Variants in CORIN observed in about 807,000 individuals in gnomAD.
The protein encoded by CORIN is corin, serine peptidase, also known as atrial natriuretic peptide-converting enzyme.
CORIN carries 117 observed loss-of-function variants against 125.3 expected under a neutral mutation model. The ratio of observed to expected loss-of-function variants is 0.93; its 90% CI spans 0.80 to 1.09. The LOEUF is 1.09. Ranked by LOEUF, CORIN falls within the 50% of genes least tolerant of loss-of-function variation. The pLI, the probability that CORIN is intolerant of heterozygous loss-of-function variation, is 0.00. For synonymous variants in CORIN, 450 were observed against 466.4 expected (o/e 0.96, Z 0.45); for missense variants, 1,253 against 1,306.7 (o/e 0.96, Z 0.63).
intron 16 of CORIN, among the ~76,000 whole-genome samples, chr4:47,638,719 G>T (rs748791663): frequency 1.3e-5 from 2 of 152,080 alleles, no homozygotes; most frequent in African/African-American, 2.4e-5. Flanking sequence ...TCCCAGTCTC[G>T]GGTATGTCTT....
At chr4:47,732,565 C>CT (rs35277149) in intron 5 of CORIN, among the ~76,000 whole-genome samples, 12,865 of 138,086 alleles carry the variant, frequency 0.093, 778 homozygotes, top group East Asian at 0.26. Flanking sequence ...GTAATCTACT[C>CT]TTTTTTTTTT....
intron 19 of CORIN, among the ~76,000 whole-genome samples, chr4:47,606,450 G>A (rs1721647701): frequency 6.6e-6 from 1 of 152,074 alleles, no homozygotes; most frequent in Non-Finnish European, 1.5e-5. Flanking sequence ...GTAGAGATAA[G>A]GTTTTGCTGT....
chr4:47,788,768 A>G (rs937047978), intron 2 of CORIN, among the ~76,000 whole-genome samples: 2 of 152,174 alleles, frequency 1.3e-5, no homozygotes, highest in Non-Finnish European at 2.9e-5. Context: ...AGGCCCATTA[A>G]GTTGATTTAC....
chr4:47,659,614 T>C (rs1724154839), intron 12 of CORIN, among the ~76,000 whole-genome samples: 1 of 152,224 alleles, frequency 6.6e-6, no homozygotes, highest in African/African-American at 2.4e-5. Flanking sequence ...CCAGATGTCA[T>C]GTGAACGCAG....
At chr4:47,670,784 A>T (rs1724716354) in intron 10 of CORIN, among the ~76,000 whole-genome samples, 2 of 152,188 alleles carry the variant, frequency 1.3e-5, no homozygotes. Context: ...TCCACACCGG[A>T]ATGAGGAGAA....
At chr4:47,602,287 A>G (rs1430908940) in intron 20 of CORIN, among the ~76,000 whole-genome samples, 3 of 152,088 alleles carry the variant, frequency 2.0e-5, no homozygotes, top group African/African-American at 4.8e-5. Flanking sequence ...AAACAAATAA[A>G]CAAACAAACA....
chr4:47,635,001 G>T (rs1722967640), intron 16 of CORIN, among the ~76,000 whole-genome samples: 1 of 152,208 alleles, frequency 6.6e-6, no homozygotes, highest in Non-Finnish European at 1.5e-5. Flanking sequence ...ATGTTCTTCA[G>T]TTTGTATGTT....
At chr4:47,646,055 A>G (rs1363516120) in intron 13 of CORIN, among the ~76,000 whole-genome samples, 1 of 151,678 alleles carries the variant, frequency 6.6e-6, no homozygotes. Context: ...AAAAAAAAAA[A>G]AAAAAAAAAA....
chr4:47,719,388 A>C (rs1053322576), intron 5 of CORIN, among the ~76,000 whole-genome samples: 5 of 152,210 alleles, frequency 3.3e-5, no homozygotes, highest in African/African-American at 1.2e-4. Flanking sequence ...TTTGTTATAT[A>C]AATGAATAGT....
chr4:47,609,322 C>A (rs561557531), intron 19 of CORIN, among the ~76,000 whole-genome samples: 3 of 152,292 alleles, frequency 2.0e-5, no homozygotes, highest in South Asian at 2.1e-4. Context: ...TCACTGCAAC[C>A]TTTGCCTCAG....
At chr4:47,684,522 G>T (rs920322382) in intron 6 of CORIN, among the ~76,000 whole-genome samples, 2 of 152,160 alleles carry the variant, frequency 1.3e-5, no homozygotes, top group African/African-American at 2.4e-5. Flanking sequence ...CCATCTACTA[G>T]CTGTGGGACT....
chr4:47,641,822 A>C, intron 16 of CORIN, 98 bp downstream of exon 16: 1 of 1,404,956 alleles, frequency 7.1e-7, no homozygotes, highest in Admixed American at 2.0e-5. Flanking sequence ...TCTTTGTTTG[A>C]GAGCACTAAC....
chr4:47,670,377 T>C (rs888940686), intron 10 of CORIN, among the ~76,000 whole-genome samples: 1 of 152,226 alleles, frequency 6.6e-6, no homozygotes, highest in Non-Finnish European at 1.5e-5. Context: ...ATTCCTCTCT[T>C]CTACTATTTG....
chr4:47,763,628 G>C (rs1379167669), intron 3 of CORIN, 42 bp from the exon 4 acceptor site: 4 of 1,519,398 alleles, frequency 2.6e-6, no homozygotes, highest in South Asian at 2.3e-5. Flanking sequence ...GGACACATCA[G>C]AAGTATATGT....
intron 14 of CORIN, among the ~76,000 whole-genome samples, chr4:47,644,244 T>C (rs1169454990): frequency 6.6e-6 from 1 of 152,224 alleles, no homozygotes; most frequent in Non-Finnish European, 1.5e-5. Flanking sequence ...TCCTTCCAGC[T>C]GGACATGATC....
chr4:47,599,884 G>T (rs1721385136), intron 21 of CORIN, among the ~76,000 whole-genome samples: 1 of 152,168 alleles, frequency 6.6e-6, no homozygotes, highest in South Asian at 2.1e-4. Flanking sequence ...GTTACTACTA[G>T]CTCCTCTTAG....
chr4:47,822,269 C>A (rs150373622), intron 1 of CORIN, among the ~76,000 whole-genome samples: 2 of 152,114 alleles, frequency 1.3e-5, no homozygotes, highest in African/African-American at 2.4e-5. Flanking sequence ...TTCTTCTGAC[C>A]CGTTTGATAC....
At chr4:47,829,505 T>C (rs1019661934) in intron 1 of CORIN, among the ~76,000 whole-genome samples, 1 of 152,184 alleles carries the variant, frequency 6.6e-6, no homozygotes, top group African/African-American at 2.4e-5. Flanking sequence ...GGGCAAATTA[T>C]CAAACCTGAA....
At chr4:47,732,470 G>A (rs1168614295) in intron 5 of CORIN, among the ~76,000 whole-genome samples, 1 of 151,992 alleles carries the variant, frequency 6.6e-6, no homozygotes, top group Admixed American at 6.6e-5. Context: ...CCCTCTAGTA[G>A]ACTAATTCTA....
Sources: allele counts gnomAD v4.1 joint callset (sites outside exome capture counted in the v4.1 genomes callset), GRCh38; gene constraint gnomAD v4.1.1; transcripts MANE v1.5; gene names NCBI Gene and HGNC (gene_info 2026-07-23, HGNC 2026-07-21).